The following MTMR7 variants were observed in gnomAD, a reference collection of about 807,000 sequenced individuals.
The protein encoded by MTMR7 is phosphatidylinositol-3-phosphate phosphatase MTMR7.
In MTMR7, 76 loss-of-function variants were observed where a neutral mutation model predicts 81.2. That is an observed-to-expected ratio of 0.94 (90% CI 0.78 to 1.13). The LOEUF is 1.13. Among genes scored for constraint, MTMR7 ranks in the 50% most tolerant of loss-of-function variants. The probability of loss-of-function intolerance (pLI) is 0.00; values close to 1 mark genes in which losing one functional copy is unlikely to be tolerated. For missense variants in MTMR7, 1,044 were observed against 820.0 expected, an observed-to-expected ratio of 1.27 and a Z score of -3.34; for synonymous variants, 372 against 289.8, an observed-to-expected ratio of 1.28 and a Z score of -2.88.
chr8:17,342,505 C>G (rs1819434285), intron 5 of MTMR7, among the ~76,000 whole-genome samples: 1 of 152,210 alleles, frequency 6.6e-6, no homozygotes, highest in African/African-American at 2.4e-5. Context: ...GGCACCCCAA[C>G]TCTTAGTCCA....
At chr8:17,346,898 A>G in intron 5 of MTMR7, among the ~76,000 whole-genome samples, 1 of 150,122 alleles carries the variant, frequency 6.7e-6, no homozygotes, top group East Asian at 1.9e-4. Context: ...AAAAAAAAAA[A>G]AAAAAAAAAA....
chr8:17,320,394 G>A (rs35659379), intron 7 of MTMR7, among the ~76,000 whole-genome samples: 16,931 of 152,012 alleles, frequency 0.11, 1,290 homozygotes, highest in Non-Finnish European at 0.17. Context: ...GGAGGGTGTG[G>A]TAAAGGGTAT....
At chr8:17,323,950 C>T (rs1374324311) in intron 7 of MTMR7, among the ~76,000 whole-genome samples, 15 of 152,154 alleles carry the variant, frequency 9.9e-5, no homozygotes, top group Non-Finnish European at 2.2e-4. Flanking sequence ...AATCTTTGAA[C>T]TGTCTCAGTG....
At chr8:17,365,263 C>T (rs1039908395) in intron 3 of MTMR7, among the ~76,000 whole-genome samples, 1 of 152,088 alleles carries the variant, frequency 6.6e-6, no homozygotes, top group African/African-American at 2.4e-5. Flanking sequence ...AATCAGAGTA[C>T]TTGTTTTTTT....
chr8:17,412,918 G>A (rs185005104), intron 1 of MTMR7, among the ~76,000 whole-genome samples: 1 of 152,108 alleles, frequency 6.6e-6, no homozygotes, highest in Non-Finnish European at 1.5e-5. Flanking sequence ...TACTCTGAGC[G>A]GCCAACAGCT....
At chr8:17,377,353 C>T (rs1055139114) in intron 1 of MTMR7, among the ~76,000 whole-genome samples, 2 of 152,018 alleles carry the variant, frequency 1.3e-5, no homozygotes, top group African/African-American at 4.8e-5. Flanking sequence ...CAAATTTTTA[C>T]AATCTTTTAA....
intron 1 of MTMR7, among the ~76,000 whole-genome samples, chr8:17,405,647 G>T (rs543374016): frequency 1.3e-5 from 2 of 152,172 alleles, no homozygotes; most frequent in South Asian, 4.2e-4. Flanking sequence ...TCCTTGAAAA[G>T]ATAGTATAGA....
At chr8:17,401,632 C>T (rs1045496762) in intron 1 of MTMR7, among the ~76,000 whole-genome samples, 9 of 151,932 alleles carry the variant, frequency 5.9e-5, no homozygotes, top group Admixed American at 2.6e-4. Context: ...AATGGAGGTG[C>T]GATAACCTGG....
chr8:17,391,871 C>T (rs1821120345), intron 1 of MTMR7, among the ~76,000 whole-genome samples: 1 of 152,098 alleles, frequency 6.6e-6, no homozygotes, highest in African/African-American at 2.4e-5. Context: ...ATTTTTAAAC[C>T]ATTTTAAATG....
In MTMR7 at chr8:17,328,655, C is replaced by A. The variant is rs574500965; in HGVS notation, c.865+2495G>T. On this transcript the variant is annotated intron_variant, in intron 7 of 13. Coordinates refer to ENST00000180173, the MANE Select transcript of MTMR7 (RefSeq NM_004686.5). ...TTAGATGATGGGTTGACAGGTGCAG[C>A]AAACCATCATGGCACACGTTCACTT... Among the ~76,000 whole-genome samples, 8 of 152,186 alleles carry A rather than the reference C, an allele frequency of 5.3e-5. No individual in the cohort carries two copies. In the East Asian group the frequency reaches 1.2e-3, roughly 22 times the overall value.
intron 10 of MTMR7, among the ~76,000 whole-genome samples, chr8:17,306,516 T>C (rs796430553): frequency 6.6e-6 from 1 of 152,354 alleles, no homozygotes; most frequent in African/African-American, 2.4e-5. Context: ...TTATCTCCCA[T>C]TGCTTTGCTT....
chr8:17,355,379 G>A (rs1243865016), intron 4 of MTMR7, among the ~76,000 whole-genome samples: 1 of 152,140 alleles, frequency 6.6e-6, no homozygotes, highest in African/African-American at 2.4e-5. Context: ...GGAAGATTCA[G>A]TGTCATGGAA....
At position 17,371,655 on chromosome 8, in the gene MTMR7, G is replaced by A. The variant is rs117614141; in HGVS notation, c.148-456C>T. On this transcript the variant is annotated intron_variant, in intron 2 of 13. Coordinates refer to ENST00000180173, the MANE Select transcript of MTMR7 (RefSeq NM_004686.5). ...TCGAGTTCTGTATCAACATGGGATT[G>A]TTGTTTTCTAAGCTGTTGGTGGTCG... Among the ~76,000 whole-genome samples the A allele has an allele frequency of 5.1e-3, 784 of 152,272 alleles. 3 individuals carry two copies. Among genetic ancestry groups the A allele is most frequent in the Non-Finnish European group, 9.1e-3 (616 of 68,018 alleles).
At chr8:17,374,584 G>A (rs541428811) in intron 1 of MTMR7, among the ~76,000 whole-genome samples, 48 of 152,118 alleles carry the variant, frequency 3.2e-4, no homozygotes, top group Non-Finnish European at 5.4e-4. Flanking sequence ...TTGCGCCACC[G>A]TACCGTAGCC....
At chr8:17,407,776 G>T (rs1381191600) in intron 1 of MTMR7, among the ~76,000 whole-genome samples, 1 of 152,122 alleles carries the variant, frequency 6.6e-6, no homozygotes, top group African/African-American at 2.4e-5. Flanking sequence ...ATTAAAAGTG[G>T]CTAATTTCTA....
chr8:17,410,844 A>C (rs149491461), intron 1 of MTMR7, among the ~76,000 whole-genome samples: 3 of 152,210 alleles, frequency 2.0e-5, no homozygotes, highest in Admixed American at 6.5e-5. Context: ...TACATTATAC[A>C]TGCATACAAT....
At chr8:17,347,270 CAG>C (rs1819583857) in intron 5 of MTMR7, among the ~76,000 whole-genome samples, 2 of 151,920 alleles carry the variant, frequency 1.3e-5, no homozygotes, top group African/African-American at 4.8e-5. Context: ...GAAATACATT[CAG>C]AGTTAATAAA....
intron 13 of MTMR7, chr8:17,301,950 A>T (rs1216783794): frequency 1.8e-6 from 1 of 562,374 alleles, no homozygotes; most frequent in Non-Finnish European, 2.9e-6. Flanking sequence ...CTGAGCCACA[A>T]ACCAGATGTG....
chr8:17,301,056 C>T (rs1016072387), intron 13 of MTMR7, among the ~76,000 whole-genome samples: 3 of 152,142 alleles, frequency 2.0e-5, no homozygotes, highest in Admixed American at 1.3e-4. Flanking sequence ...GAATACATTT[C>T]GCCAGATTTC....
Sources: allele counts gnomAD v4.1 joint callset (sites outside exome capture counted in the v4.1 genomes callset), GRCh38; gene constraint gnomAD v4.1.1; transcripts MANE v1.5; gene names NCBI Gene and HGNC (gene_info 2026-07-23, HGNC 2026-07-21).